LRP1B: variants seen among roughly 807,000 people sequenced by gnomAD.
The protein encoded by LRP1B is LDL receptor related protein 1B.
A neutral mutation model predicts 556.6 loss-of-function variants in LRP1B; 217 were observed. That is an observed-to-expected ratio of 0.39 (90% CI 0.35 to 0.44). The LOEUF is 0.44. LRP1B is among the 20% of genes least tolerant of loss of function. The pLI, the probability that LRP1B is intolerant of heterozygous loss-of-function variation, is 1.00. For missense variants in LRP1B, 5,053 were observed against 5,620.8 expected, an observed-to-expected ratio of 0.90 and a Z score of 3.23; for synonymous variants, 2,047 against 1,865.8, an observed-to-expected ratio of 1.10 and a Z score of -2.50.
chr2:141,212,232 T>C (rs1682587719), intron 6 of LRP1B, among the ~76,000 whole-genome samples: 1 of 140,082 alleles, frequency 7.1e-6, no homozygotes, highest in African/African-American at 2.6e-5. Context: ...CCAAGATATA[T>C]TGATCAAAAA....
intron 3 of LRP1B, among the ~76,000 whole-genome samples, chr2:141,285,747 A>C (rs56670696): frequency 0.96 from 136,783 of 142,584 alleles, 65,875 homozygotes; most frequent in East Asian, 1. Context: ...TGAGCCACCG[A>C]GCCCGGCCAA....
chr2:141,243,227 G>C (rs960125330), intron 5 of LRP1B, among the ~76,000 whole-genome samples: 1 of 149,424 alleles, frequency 6.7e-6, no homozygotes, highest in African/African-American at 2.5e-5. Context: ...TCACATATGT[G>C]ATCTCAGCAC....
At position 142,108,999 on chromosome 2, in the gene LRP1B, C is replaced by A. The variant is rs553477828; in HGVS notation, c.82+21649G>T. 3.9e-5 allele frequency among the ~76,000 whole-genome samples: 6 copies of A among 152,248 alleles called. No homozygotes were observed. The South Asian group carries it at 1.2e-3, about 32-fold the overall frequency. ...CCCAACTGACGTCAGGTAAAGACAA[C>A]TGAGTATTTCAAGTGCTGGGGTGCC... On this transcript the variant is annotated intron_variant, in intron 1 of 90. Transcript: ENST00000389484.
rs541670149 is a variant in LRP1B, at chr2:141,773,705, T to C, written c.205+36574A>G. ...CAGAGAGTGTTTAATTGGAAGACTT[T>C]AAACTCTTCTTTGGACTGAAGTCTT... On this transcript the variant is annotated intron_variant, in intron 2 of 90. Transcript: ENST00000389484. Among the ~76,000 whole-genome samples the C allele has an allele frequency of 2.0e-5, 3 of 151,948 alleles. No homozygotes were observed. The South Asian group carries it at 6.2e-4, about 31-fold the overall frequency.
intron 2 of LRP1B, among the ~76,000 whole-genome samples, chr2:141,612,438 C>CCCT (rs1414391916): frequency 1.3e-5 from 2 of 152,226 alleles, no homozygotes; most frequent in East Asian, 3.9e-4. Flanking sequence ...AATTAAACTA[C>CCCT]ATAGGGTAGA....
rs1300675616 is a variant in LRP1B, at chr2:141,187,763, A to G, written c.1013+658T>C. Among the ~76,000 whole-genome samples the G allele has an allele frequency of 2.0e-5, 3 of 152,010 alleles. No homozygotes were observed. The East Asian group carries it at 5.8e-4, about 29-fold the overall frequency. The stretch of plus-strand genomic sequence containing the variant: ...ATTTTTATAAATTATGAAATATGGT[A>G]AAAAGATTAATGAGTCTATTAGCTA... On this transcript the variant is annotated intron_variant, in intron 7 of 90. Coordinates refer to ENST00000389484, the MANE Select transcript of LRP1B (RefSeq NM_018557.3).
chr2:141,233,436 A>G (rs1232551161), intron 5 of LRP1B, among the ~76,000 whole-genome samples: 1 of 152,166 alleles, frequency 6.6e-6, no homozygotes, highest in Non-Finnish European at 1.5e-5. Flanking sequence ...ATGATCATAA[A>G]TGATTTGATT....
chr2:141,050,871 G>T (rs117949429), intron 10 of LRP1B, among the ~76,000 whole-genome samples: 1 of 151,926 alleles, frequency 6.6e-6, no homozygotes, highest in South Asian at 2.1e-4. Context: ...GAACATTTTC[G>T]CAATCTACCC....
intron 2 of LRP1B, among the ~76,000 whole-genome samples, chr2:141,662,820 A>C (rs1048689073): frequency 4.6e-5 from 7 of 152,196 alleles, no homozygotes; most frequent in Non-Finnish European, 8.8e-5. Context: ...CCTCTCGATC[A>C]AGTGGACCTA....
rs373816908 is a variant in LRP1B at position 140,320,458 on chromosome 2, A to G, written c.12640+1505T>C. 4.6e-5 allele frequency among the ~76,000 whole-genome samples: 7 copies of G among 152,270 alleles called. No homozygotes were observed. In the South Asian group the frequency reaches 1.0e-3, roughly 23 times the overall value. On this transcript the variant is annotated intron_variant, in intron 82 of 90. Transcript: ENST00000389484. ...GGAGATGCTGACTGTGAGGGTAAGG[A>G]CCCAGAGTCCACGTGAGGAGTGCAT...
At chr2:140,849,546 AT>A (rs1334174417) in intron 29 of LRP1B, among the ~76,000 whole-genome samples, 1 of 151,104 alleles carries the variant, frequency 6.6e-6, no homozygotes, top group Non-Finnish European at 1.5e-5. Flanking sequence ...TTTAATTTTT[AT>A]TTTTTTGGAG....
At chr2:140,815,271 G>A (rs972805001) in intron 31 of LRP1B, among the ~76,000 whole-genome samples, 9 of 152,110 alleles carry the variant, frequency 5.9e-5, no homozygotes, top group African/African-American at 2.2e-4. Context: ...GACAAAGAAT[G>A]TGAATCATTA....
chr2:141,704,944 C>T (rs1692083044), intron 2 of LRP1B, among the ~76,000 whole-genome samples: 1 of 151,962 alleles, frequency 6.6e-6, no homozygotes, highest in African/African-American at 2.4e-5. Context: ...CCTCTTTTCT[C>T]AAAGCTGTAT....
At chr2:140,531,591 C>G (rs570986917) in intron 47 of LRP1B, among the ~76,000 whole-genome samples, 1 of 152,122 alleles carries the variant, frequency 6.6e-6, no homozygotes, top group African/African-American at 2.4e-5. Flanking sequence ...TGCCCTCTTC[C>G]TCAACTCTGC....
At chr2:141,920,288 G>C (rs1490766359) in intron 1 of LRP1B, among the ~76,000 whole-genome samples, 25 of 120,828 alleles carry the variant, frequency 2.1e-4, no homozygotes, top group South Asian at 3.0e-4. Flanking sequence ...TTGGGGGGGG[G>C]TGGTAGGGAT....
chr2:141,243,427 A>G (rs1442731511), intron 5 of LRP1B, among the ~76,000 whole-genome samples: 1 of 152,116 alleles, frequency 6.6e-6, no homozygotes, highest in Non-Finnish European at 1.5e-5. Context: ...GGCTGCAGTG[A>G]GCTATGATCA....
chr2:140,622,368 T>G (rs536566947), intron 41 of LRP1B, among the ~76,000 whole-genome samples: 1 of 152,348 alleles, frequency 6.6e-6, no homozygotes, highest in East Asian at 1.9e-4. Flanking sequence ...ATTAAACACC[T>G]GCCTGAATTT....
chr2:140,675,569 T>C (rs1283590405), intron 41 of LRP1B, among the ~76,000 whole-genome samples: 2 of 152,198 alleles, frequency 1.3e-5, no homozygotes, highest in Non-Finnish European at 2.9e-5. Context: ...TTTAATAAAA[T>C]ATTTTAGTCT....
chr2:140,672,301 T>C lies in LRP1B; in HGVS notation c.6799+27949A>G, dbSNP rs959455421. Among the ~76,000 whole-genome samples, 6 of 151,914 alleles carry C rather than the reference T, an allele frequency of 3.9e-5. No homozygotes were observed. In the East Asian group the frequency reaches 1.2e-3, roughly 29 times the overall value. ...GGAGTTGAGACCAGCCTGACCAACA[T>C]GGTCAAACCTCCTCTCTACTAAAAA... On this transcript the variant is annotated intron_variant, in intron 41 of 90. Coordinates refer to ENST00000389484, the MANE Select transcript of LRP1B (RefSeq NM_018557.3).
Sources: gnomAD v4.1 joint callset for allele counts (sites outside exome capture counted in the v4.1 genomes callset) on GRCh38, gnomAD v4.1.1 for gene constraint, MANE v1.5 for transcripts, NCBI Gene and HGNC (gene_info 2026-07-23, HGNC 2026-07-21) for gene names.